Variants in ERBB4 observed in about 807,000 individuals in gnomAD.
ERBB4 encodes erb-b2 receptor tyrosine kinase 4.
Under a neutral mutation model 158.0 loss-of-function variants are expected in ERBB4, and 42 were observed. The observed-to-expected ratio is 0.27, with a 90% confidence interval of 0.21 to 0.34. ERBB4 has a LOEUF of 0.34. ERBB4 is among the 10% of genes least tolerant of loss of function. The pLI, the probability that ERBB4 is intolerant of heterozygous loss-of-function variation, is 1.00. For synonymous variants in ERBB4, 583 were observed against 558.7 expected, an observed-to-expected ratio of 1.04 and a Z score of -0.61; for missense variants, 1,333 against 1,624.1, an observed-to-expected ratio of 0.82 and a Z score of 3.08.
chr2:211,859,508 T>C (rs2077958701), intron 3 of ERBB4, among the ~76,000 whole-genome samples: 1 of 152,220 alleles, frequency 6.6e-6, no homozygotes, highest in Admixed American at 6.5e-5. Flanking sequence ...TGACTATTCT[T>C]TAAAAGATGT....
In ERBB4 at chr2:212,069,045, T is replaced by C. The variant is rs548223735; in HGVS notation, c.234+55707A>G. Reference sequence around the variant, plus strand: ...CTTTCTTCATCTTCCACCATGATTGTGAGGCCTCCCCAGCCAGGTGAAACT... The same window carrying C: ...CTTTCTTCATCTTCCACCATGATTGCGAGGCCTCCCCAGCCAGGTGAAACT... On this transcript the variant is annotated intron_variant, in intron 2 of 27. Coordinates refer to ENST00000342788, the MANE Select transcript of ERBB4 (RefSeq NM_005235.3). Among the ~76,000 whole-genome samples the C allele has an allele frequency of 2.6e-5, 4 of 152,208 alleles. No homozygotes were observed. In the South Asian group the frequency reaches 6.2e-4, roughly 24 times the overall value.
Position 211,812,066 on chromosome 2 carries a change from T to A in ERBB4, c.422-23907A>T, listed in dbSNP as rs546877072. ...TTATTCTCTGTCCAGCTTTGTTCTG[T>A]TGCTGGTGAGGAGCTGTGATCCTTT... is the stretch of plus-strand genomic sequence containing the variant. On this transcript the variant is annotated intron_variant, in intron 3 of 27. Transcript: ENST00000342788. 2.6e-5 allele frequency among the ~76,000 whole-genome samples: 4 copies of A among 152,222 alleles called. No homozygotes were observed. The East Asian group carries it at 5.8e-4, about 22-fold the overall frequency.
chr2:211,406,301 G>A (rs1208245404), intron 25 of ERBB4, among the ~76,000 whole-genome samples: 1 of 152,098 alleles, frequency 6.6e-6, no homozygotes, highest in East Asian at 1.9e-4. Flanking sequence ...ATATATAGTA[G>A]ATACCTAAAT....
chr2:211,398,461 T>C (rs1007041038), intron 25 of ERBB4, among the ~76,000 whole-genome samples: 1 of 151,992 alleles, frequency 6.6e-6, no homozygotes, highest in Non-Finnish European at 1.5e-5. Context: ...TTGACTAGAG[T>C]ACTGTAACAA....
At chr2:211,960,420 C>T (rs1016247547) in intron 2 of ERBB4, among the ~76,000 whole-genome samples, 1 of 152,046 alleles carries the variant, frequency 6.6e-6, no homozygotes. Flanking sequence ...CATCTTTGGA[C>T]AATAATAGAG....
At chr2:212,525,758 G>C (rs1007752040) in intron 1 of ERBB4, among the ~76,000 whole-genome samples, 2 of 151,862 alleles carry the variant, frequency 1.3e-5, no homozygotes, top group African/African-American at 4.8e-5. Context: ...TGTTTGTTTT[G>C]TTTTAAGCAA....
chr2:212,404,177 C>G (rs2091283569), intron 1 of ERBB4, among the ~76,000 whole-genome samples: 2 of 152,000 alleles, frequency 1.3e-5, no homozygotes, highest in South Asian at 4.1e-4. Flanking sequence ...ATAATACACC[C>G]TCAGTTCCAG....
At chr2:211,550,594 T>TATATATATAA (rs1256961213) in intron 20 of ERBB4, among the ~76,000 whole-genome samples, 6 of 145,270 alleles carry the variant, frequency 4.1e-5, no homozygotes, top group South Asian at 2.1e-4. Context: ...TATATATATA[T>TATATATATAA]AAATATATAG....
At chr2:212,277,765 A>G (rs2085598913) in intron 1 of ERBB4, among the ~76,000 whole-genome samples, 1 of 151,790 alleles carries the variant, frequency 6.6e-6, no homozygotes. Flanking sequence ...ATGCTGACAC[A>G]GATTCATTAT....
chr2:212,321,216 T>C (rs1354963574), intron 1 of ERBB4, among the ~76,000 whole-genome samples: 1 of 150,574 alleles, frequency 6.6e-6, no homozygotes, highest in Admixed American at 6.6e-5. Flanking sequence ...AATTATGATA[T>C]ATTAATGCCT....
intron 1 of ERBB4, among the ~76,000 whole-genome samples, chr2:212,277,077 C>G (rs1463402388): frequency 1.3e-5 from 2 of 151,654 alleles, no homozygotes; most frequent in East Asian, 3.9e-4. Flanking sequence ...TCCAACTGAC[C>G]TTGATAAGGC....
At chr2:212,217,496 G>C (rs1996762) in intron 1 of ERBB4, among the ~76,000 whole-genome samples, 149,035 of 151,368 alleles carry the variant, frequency 0.98, 73,441 homozygotes, top group Middle Eastern at 1. Context: ...TAATTTGAAG[G>C]AGACATGGAG....
chr2:212,255,615 T>A (rs1302481825), intron 1 of ERBB4, among the ~76,000 whole-genome samples: 2 of 152,194 alleles, frequency 1.3e-5, no homozygotes, highest in African/African-American at 4.8e-5. Context: ...TGTGTTTTTT[T>A]TAAATATTTG....
intron 16 of ERBB4, among the ~76,000 whole-genome samples, chr2:211,633,724 T>G (rs1220186258): frequency 6.7e-6 from 1 of 150,236 alleles, no homozygotes; most frequent in Non-Finnish European, 1.5e-5. Flanking sequence ...GGTATTAAAA[T>G]TATCTTAAAC....
intron 19 of ERBB4, among the ~76,000 whole-genome samples, chr2:211,577,989 G>T (rs1056557177): frequency 5.9e-5 from 9 of 152,084 alleles, no homozygotes; most frequent in African/African-American, 2.2e-4. Flanking sequence ...AGAAATACGG[G>T]GTATTCAAAT....
At chr2:212,269,555 G>A (rs1305738537) in intron 1 of ERBB4, among the ~76,000 whole-genome samples, 1 of 151,776 alleles carries the variant, frequency 6.6e-6, no homozygotes, top group Non-Finnish European at 1.5e-5. Context: ...GTGCAATTAA[G>A]TATATGTACT....
At chr2:212,214,694 C>A (rs1294241149) in intron 1 of ERBB4, among the ~76,000 whole-genome samples, 1 of 149,974 alleles carries the variant, frequency 6.7e-6, no homozygotes, top group African/African-American at 2.5e-5. Context: ...AACCCTTTGG[C>A]AATATGAACT....
chr2:212,245,635 T>C (rs2084280303), intron 1 of ERBB4, among the ~76,000 whole-genome samples: 1 of 152,154 alleles, frequency 6.6e-6, no homozygotes, highest in Non-Finnish European at 1.5e-5. Context: ...ATTTTCCCAT[T>C]ATGGAAAAAC....
At chr2:211,587,362 A>T (rs2068315554) in intron 19 of ERBB4, among the ~76,000 whole-genome samples, 1 of 152,122 alleles carries the variant, frequency 6.6e-6, no homozygotes, top group Admixed American at 6.5e-5. Context: ...CTCAATAAAT[A>T]AAAAGATGAG....
Sources: gnomAD v4.1 joint callset for allele counts (sites outside exome capture counted in the v4.1 genomes callset) on GRCh38, gnomAD v4.1.1 for gene constraint, MANE v1.5 for transcripts, NCBI Gene and HGNC (gene_info 2026-07-23, HGNC 2026-07-21) for gene names.